Variants in TGFB2 observed in about 807,000 individuals in gnomAD.
TGFB2 encodes transforming growth factor beta 2, also known as transforming growth factor beta-2 proprotein.
TGFB2 carries 13 observed loss-of-function variants against 42.7 expected under a neutral mutation model. The observed-to-expected ratio is 0.30, with a 90% CI of 0.20 to 0.48. TGFB2 has a LOEUF of 0.48. Among genes scored for constraint, TGFB2 ranks in the 20% least tolerant of loss-of-function variants. TGFB2 has a pLI of 0.99. For synonymous variants in TGFB2, 193 were observed against 193.6 expected (o/e 1.00, Z 0.03); for missense variants, 390 against 517.5 (o/e 0.75, Z 2.39).
In TGFB2 at chr1:218,441,683, G is replaced by GACAACAACAACAACA. The variant is rs11118106; in HGVS notation, c.*329_*343dup. ...TATTAGTGTTAATTATGTGAACAAC[G>GACAACAACAACAACA]ACAACAACAACAACAACAACAAACA... On this transcript the variant is annotated 3_prime_UTR_variant, in exon 7 of 7. Coordinates refer to ENST00000366930, the MANE Select transcript of TGFB2 (RefSeq NM_003238.6). The GACAACAACAACAACA allele has an allele frequency of 5.2e-6, 1 of 193,332 alleles. No individual in the cohort carries two copies. The highest frequency in any genetic ancestry group is 2.4e-5 in the African/African-American group (1 of 42,122). The allele number at this position is 193,332 out of a possible 1,614,324, so 12.0% of individuals were successfully genotyped here. A position where few individuals can be genotyped will look rare whatever the true frequency, so the allele number is the denominator to read the frequency against.
intron 3 of TGFB2, 34 bp downstream of exon 3, chr1:218,434,248 G>A (rs1484864697): frequency 6.2e-7 from 1 of 1,612,628 alleles, no homozygotes; most frequent in East Asian, 2.2e-5. Context: ...CTCCCAAGAT[G>A]TTCAGTATCC....
At chr1:218,403,906 T>C (rs376218389) in intron 1 of TGFB2, among the ~76,000 whole-genome samples, 2 of 152,190 alleles carry the variant, frequency 1.3e-5, no homozygotes, top group African/African-American at 4.8e-5. Context: ...TGGAAGAAGA[T>C]TGTAGAAACA....
intron 2 of TGFB2, among the ~76,000 whole-genome samples, chr1:218,418,652 A>G (rs1659356530): frequency 6.6e-6 from 1 of 152,122 alleles, no homozygotes; most frequent in African/African-American, 2.4e-5. Context: ...CCCCACCCAG[A>G]TCTCATCTTG....
At chr1:218,381,587 G>A (rs547440400) in intron 1 of TGFB2, among the ~76,000 whole-genome samples, 44 of 152,290 alleles carry the variant, frequency 2.9e-4, no homozygotes, top group South Asian at 2.5e-3. Context: ...AAATCCAGGA[G>A]TAGAATCTGG....
At chr1:218,365,927 C>T (rs114268750) in intron 1 of TGFB2, among the ~76,000 whole-genome samples, 1 of 152,334 alleles carries the variant, frequency 6.6e-6, no homozygotes, top group African/African-American at 2.4e-5. Flanking sequence ...TTGCTTTTCT[C>T]ACTCTAACCT....
At chr1:218,357,471 C>T (rs1412143503) in intron 1 of TGFB2, among the ~76,000 whole-genome samples, 3 of 152,342 alleles carry the variant, frequency 2.0e-5, no homozygotes, top group Middle Eastern at 3.4e-3. Flanking sequence ...GAATTGAATT[C>T]ACTGGCTTTA....
At chr1:218,347,127 G>A in intron 1 of TGFB2, 80 bp downstream of exon 1, 1 of 1,344,280 alleles carries the variant, frequency 7.4e-7, no homozygotes, top group Non-Finnish European at 1.0e-6. Context: ...TCCCGGGATC[G>A]CCCTTCCCTC....
chr1:218,372,823 G>T (rs1213650125), intron 1 of TGFB2, among the ~76,000 whole-genome samples: 2 of 152,162 alleles, frequency 1.3e-5, no homozygotes, highest in African/African-American at 4.8e-5. Flanking sequence ...TCAGGCCAGA[G>T]TCCAACTCCA....
intron 1 of TGFB2, among the ~76,000 whole-genome samples, chr1:218,376,016 A>T (rs1057421101): frequency 1.3e-5 from 2 of 152,202 alleles, no homozygotes; most frequent in African/African-American, 4.8e-5. Flanking sequence ...GGCTGTAGCG[A>T]AGGGGAAATG....
At chr1:218,391,315 G>T (rs560255393) in intron 1 of TGFB2, among the ~76,000 whole-genome samples, 1 of 152,160 alleles carries the variant, frequency 6.6e-6, no homozygotes, top group Non-Finnish European at 1.5e-5. Flanking sequence ...TGGTGGTAGT[G>T]TGTGCCTGTA....
At chr1:218,431,768 AATGCCTGAAAACTGCTTCTCAACC>A (rs1172173217) in intron 2 of TGFB2, among the ~76,000 whole-genome samples, 1 of 152,212 alleles carries the variant, frequency 6.6e-6, no homozygotes, top group Non-Finnish European at 1.5e-5. Flanking sequence ...GGCAGATCAG[AATGCCTGAAAACTGCTTCTCAACC>A]ATTGTTTTTC....
chr1:218,403,466 A>G (rs1261829158), intron 1 of TGFB2, among the ~76,000 whole-genome samples: 1 of 152,172 alleles, frequency 6.6e-6, no homozygotes, highest in Non-Finnish European at 1.5e-5. Context: ...CTTCAGTGTA[A>G]TCGTCAGGGC....
At chr1:218,421,599 A>G (rs1216208525) in intron 2 of TGFB2, among the ~76,000 whole-genome samples, 1 of 152,198 alleles carries the variant, frequency 6.6e-6, no homozygotes, top group African/African-American at 2.4e-5. Flanking sequence ...TCCCCACAGT[A>G]TAATTTATGA....
At chr1:218,389,325 GGAGCTA>G (rs759874275) in intron 1 of TGFB2, among the ~76,000 whole-genome samples, 2 of 152,216 alleles carry the variant, frequency 1.3e-5, no homozygotes, top group Non-Finnish European at 2.9e-5. Flanking sequence ...TCCTGGGCCT[GGAGCTA>G]GGACACAGGA....
At chr1:218,361,321 A>G (rs577254903) in intron 1 of TGFB2, among the ~76,000 whole-genome samples, 5 of 152,346 alleles carry the variant, frequency 3.3e-5, no homozygotes, top group Admixed American at 6.5e-5. Flanking sequence ...GAAAGGAAAG[A>G]AAAGAAGGGA....
chr1:218,398,482 C>T (rs1476682237), intron 1 of TGFB2, among the ~76,000 whole-genome samples: 1 of 152,210 alleles, frequency 6.6e-6, no homozygotes, highest in African/African-American at 2.4e-5. Flanking sequence ...TGTTTCAGAG[C>T]TCATCACATA....
chr1:218,346,645 A>G lies in TGFB2; in HGVS notation c.-57A>G. ...TTGATCTATACTTTGAGAATTGTTGATTTCTTTTTTTTATTCTGACTTTTA... is the reference window on the plus strand; with the variant it reads ...TTGATCTATACTTTGAGAATTGTTGGTTTCTTTTTTTTATTCTGACTTTTA... On this transcript the variant is annotated 5_prime_UTR_variant, in exon 1 of 7. Transcript: ENST00000366930. The surrounding 1 kb of genome is among the most constrained non-coding windows in gnomAD (Gnocchi z 4.9). 6.8e-7 allele frequency: 1 copy of G among 1,460,478 alleles called. No homozygotes were observed. The allele number at this position is 1,460,478 out of a possible 1,614,324, so 90.5% of individuals were successfully genotyped here.
At chr1:218,381,305 G>A (rs1456979770) in intron 1 of TGFB2, among the ~76,000 whole-genome samples, 1 of 150,648 alleles carries the variant, frequency 6.6e-6, no homozygotes, top group African/African-American at 2.5e-5. Context: ...GCCCAGGCTG[G>A]ATTGAAGTGG....
At chr1:218,358,976 TCAAGGAACGGTCCCCCCAGA>T (rs377165200) in intron 1 of TGFB2, among the ~76,000 whole-genome samples, 1,649 of 152,288 alleles carry the variant, frequency 0.011, 24 homozygotes, top group Middle Eastern at 0.085. Context: ...GGTGGTTTGG[TCAAGGAACGGTCCCCCCAGA>T]GGTCAGTCAG....
Sources: allele counts gnomAD v4.1 joint callset (sites outside exome capture counted in the v4.1 genomes callset), GRCh38; gene constraint gnomAD v4.1.1; non-coding constraint Gnocchi (gnomAD v3.1); transcripts MANE v1.5; gene names NCBI Gene and HGNC (gene_info 2026-07-23, HGNC 2026-07-21).